Variants in CAST observed in about 807,000 individuals in gnomAD.
CAST encodes MIR583 host.
In CAST, 76 loss-of-function variants were observed where a neutral mutation model predicts 119.6. The ratio of observed to expected loss-of-function variants is 0.64; its 90% CI spans 0.53 to 0.77. The LOEUF (loss-of-function observed/expected upper bound fraction) is 0.77, where lower values mean the gene tolerates loss of function less well. CAST is among the 30% of genes least tolerant of loss of function. CAST has a pLI of 0.00. For missense variants in CAST, 953 were observed against 946.5 expected (o/e 1.01, Z -0.09); for synonymous variants, 319 against 331.6 (o/e 0.96, Z 0.41).
the CAST span, among the ~76,000 whole-genome samples, chr5:96,035,114 TATATA>T: frequency 3.4e-4 from 49 of 144,486 alleles, no homozygotes; most frequent in African/African-American, 1.0e-3. Flanking sequence ...CTTCAAGATA[TATATA>T]ATATTTTATA....
chr5:96,302,096 C>A, the CAST span, among the ~76,000 whole-genome samples: 1 of 152,236 alleles, frequency 6.6e-6, no homozygotes, highest in Admixed American at 6.5e-5. Flanking sequence ...CAAGCCTCAA[C>A]TCTTGCCCTT....
At chr5:96,092,324 A>C in the CAST span, among the ~76,000 whole-genome samples, 1 of 152,232 alleles carries the variant, frequency 6.6e-6, no homozygotes, top group Admixed American at 6.5e-5. Flanking sequence ...AATTCTCAGG[A>C]ATTTATGGCA....
the CAST span, among the ~76,000 whole-genome samples, chr5:96,212,322 T>C: frequency 6.6e-6 from 1 of 152,214 alleles, no homozygotes; most frequent in Non-Finnish European, 1.5e-5. Context: ...TTTTATATGC[T>C]GTACTTTCAT....
the CAST span, among the ~76,000 whole-genome samples, chr5:96,011,076 A>T: frequency 6.6e-6 from 1 of 152,204 alleles, no homozygotes; most frequent in Non-Finnish European, 1.5e-5. Flanking sequence ...TTCTTTGCCT[A>T]TTTGGATGCC....
the CAST span, among the ~76,000 whole-genome samples, chr5:96,302,469 C>T: frequency 6.6e-6 from 1 of 152,104 alleles, no homozygotes; most frequent in Non-Finnish European, 1.5e-5. Flanking sequence ...TTCTTTTCTA[C>T]CACATAGGCA....
intron 1 of CAST, among the ~76,000 whole-genome samples, chr5:96,654,822 G>A (rs1051810907): frequency 2.4e-4 from 37 of 152,304 alleles, no homozygotes; most frequent in African/African-American, 8.7e-4. Context: ...AATTTGGGGA[G>A]GGCTCACATG....
At chr5:96,176,790 T>G in the CAST span, among the ~76,000 whole-genome samples, 1 of 152,198 alleles carries the variant, frequency 6.6e-6, no homozygotes, top group South Asian at 2.1e-4. Flanking sequence ...TTAATTAAAT[T>G]AGTAGAGCAG....
At chr5:96,123,679 G>A in the CAST span, among the ~76,000 whole-genome samples, 1 of 152,134 alleles carries the variant, frequency 6.6e-6, no homozygotes, top group Non-Finnish European at 1.5e-5. Context: ...AGGTTGGTAT[G>A]TACCCACATT....
At chr5:96,269,591 A>G in the CAST span, among the ~76,000 whole-genome samples, 1 of 152,232 alleles carries the variant, frequency 6.6e-6, no homozygotes, top group African/African-American at 2.4e-5. Flanking sequence ...AACTGAAGCC[A>G]CAGAAACACA....
intron 1 of CAST, among the ~76,000 whole-genome samples, chr5:96,538,360 T>C (rs932326860): frequency 6.6e-6 from 1 of 152,230 alleles, no homozygotes; most frequent in African/African-American, 2.4e-5. Flanking sequence ...ATCATACCTA[T>C]CTGAAAGTAA....
At chr5:96,320,372 G>C in the CAST span, among the ~76,000 whole-genome samples, 1 of 151,720 alleles carries the variant, frequency 6.6e-6, no homozygotes, top group Non-Finnish European at 1.5e-5. Flanking sequence ...CGAGTAGCTG[G>C]GATTATAGGC....
chr5:96,251,932 C>A, the CAST span, among the ~76,000 whole-genome samples: 1 of 152,116 alleles, frequency 6.6e-6, no homozygotes. Context: ...ATTTCTCAAT[C>A]TTTACGTTCA....
At chr5:96,484,837 A>G in the CAST span, among the ~76,000 whole-genome samples, 2 of 152,060 alleles carry the variant, frequency 1.3e-5, no homozygotes, top group East Asian at 1.9e-4. Flanking sequence ...TCTTCCCACA[A>G]TTCTCCTCCC....
At chr5:96,270,310 A>C in the CAST span, among the ~76,000 whole-genome samples, 4 of 152,154 alleles carry the variant, frequency 2.6e-5, no homozygotes, top group African/African-American at 9.7e-5. Flanking sequence ...CAATTGAAAG[A>C]CTTTCCTCTA....
the CAST span, among the ~76,000 whole-genome samples, chr5:96,044,538 T>C: frequency 1.3e-5 from 2 of 152,194 alleles, no homozygotes; most frequent in Admixed American, 6.5e-5. Flanking sequence ...TATAGAAGCC[T>C]GAACAGACTA....
the CAST span, among the ~76,000 whole-genome samples, chr5:96,439,459 A>AT: frequency 6.6e-6 from 1 of 152,218 alleles, no homozygotes; most frequent in Non-Finnish European, 1.5e-5. Context: ...TGACTGAGGA[A>AT]TTGGCAGGCA....
chr5:96,303,961 A>C, the CAST span, among the ~76,000 whole-genome samples: 1 of 152,194 alleles, frequency 6.6e-6, no homozygotes, highest in Non-Finnish European at 1.5e-5. Context: ...TTGGGTATAT[A>C]CCCAGTAATA....
At chr5:96,001,698 A>C in the CAST span, among the ~76,000 whole-genome samples, 1 of 152,216 alleles carries the variant, frequency 6.6e-6, no homozygotes, top group Non-Finnish European at 1.5e-5. Context: ...TTTTGTTAAG[A>C]AGTATGTTTT....
the CAST span, among the ~76,000 whole-genome samples, chr5:96,239,337 C>T: frequency 6.6e-6 from 1 of 151,724 alleles, no homozygotes; most frequent in African/African-American, 2.4e-5. Flanking sequence ...TTGTAAATTG[C>T]CTGTGATTAT....
Sources: allele counts gnomAD v4.1 joint callset (sites outside exome capture counted in the v4.1 genomes callset), GRCh38; gene constraint gnomAD v4.1.1; transcripts MANE v1.5; gene names NCBI Gene and HGNC (gene_info 2026-07-23, HGNC 2026-07-21).